The following NUP93 variants were observed in gnomAD, a reference collection of about 807,000 sequenced individuals.
NUP93 encodes nucleoporin 93.
A neutral mutation model predicts 107.8 loss-of-function variants in NUP93; 55 were observed. The ratio of observed to expected loss-of-function variants is 0.51; its 90% CI spans 0.41 to 0.64. The LOEUF (loss-of-function observed/expected upper bound fraction) is 0.64. Ranked by LOEUF, NUP93 falls within the 30% of genes least tolerant of loss-of-function variation. The probability of loss-of-function intolerance (pLI) is 0.00; values close to 1 mark genes in which losing one functional copy is unlikely to be tolerated. For synonymous variants in NUP93, 390 were observed against 397.5 expected (o/e 0.98, Z 0.22); for missense variants, 937 against 1,044.7 (o/e 0.90, Z 1.42).
rs1567410775 is a variant in NUP93, at chr16:56,833,207, T to C, written c.1346-8T>C. ...TGGTTTTATCTCCTCTCCTCTCCTC[T>C]CTCCCAGGCGAGTCCCACTTTACGG... On this transcript the variant is annotated splice_polypyrimidine_tract_variant and splice_region_variant and intron_variant, in intron 12 of 21. Coordinates refer to ENST00000308159, the MANE Select transcript of NUP93 (RefSeq NM_014669.5). The C allele has an allele frequency of 6.3e-7, 1 of 1,592,596 alleles. No individual in the cohort carries two copies. The highest frequency in any genetic ancestry group is 1.4e-5 in the African/African-American group (1 of 73,490).
At chr16:56,816,784 C>T (rs373480004) in intron 5 of NUP93, among the ~76,000 whole-genome samples, 77 of 152,210 alleles carry the variant, frequency 5.1e-4, no homozygotes, top group African/African-American at 1.5e-3. Context: ...AAGGAATTTG[C>T]GGTCTAGTTG....
At chr16:56,740,255 C>T (rs1475216773) in intron 1 of NUP93, among the ~76,000 whole-genome samples, 7 of 147,394 alleles carry the variant, frequency 4.7e-5, no homozygotes, top group Non-Finnish European at 9.1e-5. Context: ...CGGAGGGGCT[C>T]CTCACTTCTC....
At chr16:56,758,240 A>G (rs1253111464) in intron 2 of NUP93, among the ~76,000 whole-genome samples, 2 of 152,142 alleles carry the variant, frequency 1.3e-5, no homozygotes, top group African/African-American at 2.4e-5. Flanking sequence ...TTTCTTTACT[A>G]TGACATGTTT....
chr16:56,772,083 C>G (rs1229912712), intron 3 of NUP93, among the ~76,000 whole-genome samples: 1 of 152,068 alleles, frequency 6.6e-6, no homozygotes, highest in African/African-American at 2.4e-5. Context: ...TTCTTTGCAT[C>G]CCTCTCTCTG....
chr16:56,744,216 T>C (rs1454688773), intron 1 of NUP93, among the ~76,000 whole-genome samples: 1 of 152,148 alleles, frequency 6.6e-6, no homozygotes, highest in East Asian at 1.9e-4. Context: ...GGACTTCAAT[T>C]TTTTTCCCCC....
rs144089162 is a variant in NUP93, at chr16:56,794,348, G to GAC, written c.298-4115_298-4114dup. 6.3e-3 allele frequency among the ~76,000 whole-genome samples: 953 copies of GAC among 151,630 alleles called. 15 individuals carry two copies. Among genetic ancestry groups the GAC allele is most frequent in the African/African-American group, 0.021 (888 of 41,352 alleles). ...CTTTGTTTATATGTGGGTGAGGTTT[G>GAC]ACACACACACACACGCTTCATTTAA... is the stretch of plus-strand genomic sequence containing the variant. On this transcript the variant is annotated intron_variant, in intron 3 of 21. Transcript: ENST00000308159.
chr16:56,831,673 G>A, intron 10 of NUP93, 169 bp from the exon 11 acceptor site: 1 of 641,738 alleles, frequency 1.6e-6, no homozygotes, highest in Non-Finnish European at 2.6e-6. Context: ...TGCAAGTCAG[G>A]TTAAAGCGAT....
intron 3 of NUP93, among the ~76,000 whole-genome samples, chr16:56,793,222 G>A (rs1409782453): frequency 1.3e-5 from 2 of 152,236 alleles, no homozygotes; most frequent in Non-Finnish European, 2.9e-5. Context: ...GTGAGGAGCA[G>A]TACACAGATG....
In NUP93 at chr16:56,841,664, G is replaced by A. The variant is rs187887370; in HGVS notation, c.2221-41G>A. ...CCTCCATCTGTGGTTGGCCCCAAAG[G>A]CTTGGTTCTTTTTCTTTACTCTGTT... On this transcript the variant is annotated intron_variant, in intron 20 of 21. Transcript: ENST00000308159. 1.4e-4 allele frequency: 231 copies of A among 1,608,238 alleles called. No homozygotes were observed. The East Asian group carries it at 4.7e-3, about 33-fold the overall frequency.
intron 7 of NUP93, 66 bp downstream of exon 7, chr16:56,821,659 C>A: frequency 9.7e-7 from 1 of 1,027,578 alleles, no homozygotes; most frequent in Non-Finnish European, 1.5e-6. Flanking sequence ...AGCAACTTGC[C>A]GATTTGGTTG....
intron 21 of NUP93, among the ~76,000 whole-genome samples, chr16:56,843,897 C>A (rs1964072548): frequency 6.6e-6 from 1 of 152,132 alleles, no homozygotes; most frequent in African/African-American, 2.4e-5. Flanking sequence ...TGTAGGGCCA[C>A]CTTTTTCCAT....
At chr16:56,806,148 C>T (rs1963134074) in intron 5 of NUP93, among the ~76,000 whole-genome samples, 2 of 150,930 alleles carry the variant, frequency 1.3e-5, no homozygotes, top group African/African-American at 4.9e-5. Context: ...CCCTATCCCC[C>T]TTCTCTTCTC....
chr16:56,768,693 T>C lies in NUP93; in HGVS notation c.297+10038T>C, dbSNP rs189731501. Reference sequence around the variant, plus strand: ...CATCCTGGCTAACACGGTGAAACCCTGTCTCTACTAAAAAATACAAAAAAT... The same window carrying C: ...CATCCTGGCTAACACGGTGAAACCCCGTCTCTACTAAAAAATACAAAAAAT... On this transcript the variant is annotated intron_variant, in intron 3 of 21. Coordinates refer to ENST00000308159, the MANE Select transcript of NUP93 (RefSeq NM_014669.5). Among the ~76,000 whole-genome samples, 430 of 149,668 alleles carry C rather than the reference T, an allele frequency of 2.9e-3. 9 individuals are homozygous for C. The East Asian group carries it at 0.061, about 21-fold the overall frequency.
chr16:56,742,059 A>C (rs1485144591), intron 1 of NUP93, among the ~76,000 whole-genome samples: 7 of 152,232 alleles, frequency 4.6e-5, no homozygotes, highest in South Asian at 2.1e-4. Flanking sequence ...AGGAAAAGGG[A>C]AAATTCACAT....
In NUP93 at chr16:56,800,295, G is replaced by GT. The variant is rs201512386; in HGVS notation, c.360+1765dup. 1.6e-3 allele frequency among the ~76,000 whole-genome samples: 238 copies of GT among 151,974 alleles called. 1 individual carries two copies. Among genetic ancestry groups the GT allele is most frequent in the African/African-American group, 5.3e-3 (220 of 41,410 alleles). On this transcript the variant is annotated intron_variant, in intron 4 of 21. Coordinates refer to ENST00000308159, the MANE Select transcript of NUP93 (RefSeq NM_014669.5). ...CAGATCTGAAAATATTTTTAAAAGG[G>GT]TTTTTTTTGGTTCACACATTAAGTG...
intron 1 of NUP93, among the ~76,000 whole-genome samples, chr16:56,740,194 T>G (rs1452707383): frequency 7.5e-6 from 1 of 132,816 alleles, no homozygotes. Flanking sequence ...CCAGATGGGG[T>G]GGCTGCCGGG....
intron 2 of NUP93, among the ~76,000 whole-genome samples, chr16:56,750,627 G>A (rs1416338094): frequency 2.0e-5 from 3 of 152,078 alleles, no homozygotes; most frequent in African/African-American, 7.2e-5. Flanking sequence ...ATGTAAATCG[G>A]GTTTTACAGC....
At chr16:56,835,953 C>T (rs1364781407) in intron 16 of NUP93, among the ~76,000 whole-genome samples, 2 of 152,002 alleles carry the variant, frequency 1.3e-5, no homozygotes, top group African/African-American at 2.4e-5. Context: ...ACGGTGAAAC[C>T]CTGTCTCTAT....
At chr16:56,792,089 A>C (rs1371692752) in intron 3 of NUP93, among the ~76,000 whole-genome samples, 4 of 152,230 alleles carry the variant, frequency 2.6e-5, no homozygotes, top group Non-Finnish European at 5.9e-5. Flanking sequence ...CTTAGGTGGG[A>C]GGATCACTTG....
Sources: gnomAD v4.1 joint callset for allele counts (sites outside exome capture counted in the v4.1 genomes callset) on GRCh38, gnomAD v4.1.1 for gene constraint, MANE v1.5 for transcripts, NCBI Gene and HGNC (gene_info 2026-07-23, HGNC 2026-07-21) for gene names.